BATF: variants seen among roughly 807,000 people sequenced by gnomAD.
The protein encoded by BATF is basic leucine zipper ATF-like transcription factor.
In BATF, 5 loss-of-function variants were observed where a neutral mutation model predicts 13.7. The observed-to-expected ratio is 0.36, with a 90% confidence interval of 0.19 to 0.77. The LOEUF (loss-of-function observed/expected upper bound fraction) is 0.77. BATF is among the 30% of genes least tolerant of loss of function. BATF has a pLI of 0.51. For missense variants in BATF, 124 were observed against 163.0 expected, an observed-to-expected ratio of 0.76 and a Z score of 1.30; for synonymous variants, 72 against 67.5, an observed-to-expected ratio of 1.07 and a Z score of -0.33.
chr14:75,530,734 C>T (rs1887720177), intron 2 of BATF, among the ~76,000 whole-genome samples: 1 of 152,054 alleles, frequency 6.6e-6, no homozygotes. Flanking sequence ...GTCTCGAACT[C>T]CTGAGCTCAA....
At chr14:75,534,379 C>T (rs1887788370) in intron 2 of BATF, among the ~76,000 whole-genome samples, 1 of 152,194 alleles carries the variant, frequency 6.6e-6, no homozygotes, top group South Asian at 2.1e-4. Context: ...GGTTTCTCAA[C>T]CCCAGTGGAA....
intron 2 of BATF, among the ~76,000 whole-genome samples, chr14:75,540,218 G>A (rs1686350398): frequency 6.6e-6 from 1 of 152,200 alleles, no homozygotes; most frequent in South Asian, 2.1e-4. Flanking sequence ...TGCCAGCCTT[G>A]TCCTTGGTCT....
Position 75,522,725 on chromosome 14 carries a change from T to C in BATF, c.43T>C (p.Ser15Pro), listed in dbSNP as rs745959818. The part of the protein sequence containing the change: ...SDSSDSSFSR[S>P]PPPGKQDSSD... ...CAGCAGTGACTCCAGCTTCAGCCGC[T>C]CTCCTCCCCCTGGCAAACAGGTAGA... The change falls in exon 1 of 3, where the codon TCT becomes CCT. Residue 15 changes from serine (S) to proline (P), a missense_variant. Ser to Pro is a moderately conservative substitution (Grantham distance 74). This residue lies in a region of BATF where 65 missense variants were observed against 113.3 expected (regional missense o/e 0.57). Coordinates refer to ENST00000286639, the MANE Select transcript of BATF (RefSeq NM_006399.5). 6.2e-7 allele frequency: 1 copy of C among 1,614,130 alleles called. No homozygotes were observed. Among genetic ancestry groups the C allele is most frequent in the African/African-American group, 1.3e-5 (1 of 75,022 alleles).
intron 2 of BATF, among the ~76,000 whole-genome samples, chr14:75,543,136 G>A (rs1887922508): frequency 6.6e-6 from 1 of 152,210 alleles, no homozygotes. Context: ...TAGTCTCATC[G>A]TGTTGCTTGA....
At chr14:75,543,103 G>T (rs988635172) in intron 2 of BATF, among the ~76,000 whole-genome samples, 21 of 152,340 alleles carry the variant, frequency 1.4e-4, no homozygotes, top group Admixed American at 1.0e-3. Flanking sequence ...CCGGCCCCCA[G>T]TTCCCGTCTT....
intron 2 of BATF, among the ~76,000 whole-genome samples, chr14:75,530,288 G>T (rs1395693218): frequency 6.6e-6 from 1 of 152,174 alleles, no homozygotes; most frequent in African/African-American, 2.4e-5. Flanking sequence ...ACAGCTAGTA[G>T]TAGAGTCTGC....
chr14:75,542,862 A>G (rs2140042652), intron 2 of BATF, among the ~76,000 whole-genome samples: 1 of 152,332 alleles, frequency 6.6e-6, no homozygotes, highest in African/African-American at 2.4e-5. Flanking sequence ...AGGGGGAGGC[A>G]GACGACAGAG....
At chr14:75,533,702 G>A (rs1887773873) in intron 2 of BATF, among the ~76,000 whole-genome samples, 1 of 152,102 alleles carries the variant, frequency 6.6e-6, no homozygotes, top group South Asian at 2.1e-4. Context: ...TTCAGATTGT[G>A]GGATATCTGT....
At chr14:75,536,223 G>C (rs1390157307) in intron 2 of BATF, among the ~76,000 whole-genome samples, 1 of 152,214 alleles carries the variant, frequency 6.6e-6, no homozygotes, top group Non-Finnish European at 1.5e-5. Flanking sequence ...CGGGATTGGG[G>C]CAGCGATCAG....
Position 75,546,684 on chromosome 14 carries a change from G to A in BATF, c.*13G>A. 1 of 1,570,414 alleles carries A rather than the reference G, an allele frequency of 6.4e-7. No homozygotes were observed. Among genetic ancestry groups the A allele is most frequent in the Non-Finnish European group, 8.6e-7 (1 of 1,158,384 alleles). On this transcript the variant is annotated 3_prime_UTR_variant, in exon 3 of 3. Coordinates refer to ENST00000286639, the MANE Select transcript of BATF (RefSeq NM_006399.5). ...CTTCCAGCCCTGAGCTTCCGATGCG[G>A]GGAGAGCAGAGCCTCGGGAGGGGCA...
chr14:75,529,889 C>A (rs1165016645), intron 2 of BATF, among the ~76,000 whole-genome samples: 1 of 151,878 alleles, frequency 6.6e-6, no homozygotes, highest in African/African-American at 2.4e-5. Context: ...ACAGTGAAAC[C>A]CCGTCTCTAC....
chr14:75,541,398 T>A (rs1887893145), intron 2 of BATF, among the ~76,000 whole-genome samples: 1 of 152,210 alleles, frequency 6.6e-6, no homozygotes, highest in Non-Finnish European at 1.5e-5. Context: ...CATTTACCGC[T>A]GATGGAGCTC....
intron 2 of BATF, among the ~76,000 whole-genome samples, chr14:75,543,470 C>G (rs1566769747): frequency 6.6e-6 from 1 of 152,182 alleles, no homozygotes; most frequent in Non-Finnish European, 1.5e-5. Flanking sequence ...AGACCCCCCC[C>G]AGGATGTGGG....
At chr14:75,545,510 T>C (rs28465205) in intron 2 of BATF, among the ~76,000 whole-genome samples, 41,051 of 151,008 alleles carry the variant, frequency 0.27, 5,631 homozygotes, top group South Asian at 0.35. Flanking sequence ...GCTAGGATTA[T>C]AGGCATGAGC....
At chr14:75,538,594 G>A (rs976351005) in intron 2 of BATF, among the ~76,000 whole-genome samples, 2 of 152,204 alleles carry the variant, frequency 1.3e-5, no homozygotes, top group East Asian at 3.8e-4. Context: ...ACATACAGTG[G>A]CCTGATGGCT....
At chr14:75,546,318 C>T (rs1336823080) in intron 2 of BATF, 144 bp from the exon 3 acceptor site, 7 of 773,234 alleles carry the variant, frequency 9.1e-6, no homozygotes, top group African/African-American at 8.8e-5. Flanking sequence ...CACACATTCA[C>T]ACGTGCAGGA....
rs1420446018 is a variant in BATF, at chr14:75,546,959, C to A, written c.*288C>A. ...GGCACAGAGCAAGGCGGGCAGGGAA[C>A]GGTTATTTTTCTAAATAAATGCTTT... On this transcript the variant is annotated 3_prime_UTR_variant, in exon 3 of 3. Coordinates refer to ENST00000286639, the MANE Select transcript of BATF (RefSeq NM_006399.5). The A allele has an allele frequency of 1.4e-6, 1 of 702,926 alleles. No individual in the cohort carries two copies. Among genetic ancestry groups the A allele is most frequent in the African/African-American group, 1.7e-5 (1 of 57,358 alleles). The allele number at this position is 702,926 out of a possible 1,614,324, so 43.5% of individuals were successfully genotyped here.
At chr14:75,534,076 A>G (rs895781992) in intron 2 of BATF, among the ~76,000 whole-genome samples, 2 of 152,252 alleles carry the variant, frequency 1.3e-5, no homozygotes, top group African/African-American at 2.4e-5. Flanking sequence ...GAGTGAGTCC[A>G]AACTTGACAG....
chr14:75,545,517 G>A (rs1887969062), intron 2 of BATF, among the ~76,000 whole-genome samples: 1 of 150,418 alleles, frequency 6.6e-6, no homozygotes, highest in African/African-American at 2.4e-5. Flanking sequence ...TTATAGGCAT[G>A]AGCCACCGCA....
Sources: allele counts gnomAD v4.1 joint callset (sites outside exome capture counted in the v4.1 genomes callset), GRCh38; gene constraint gnomAD v4.1.1; regional missense constraint gnomAD v4.1.1; transcripts MANE v1.5; gene names NCBI Gene and HGNC (gene_info 2026-07-23, HGNC 2026-07-21).